Variants in GNAI1 observed in about 807,000 individuals in gnomAD.
GNAI1 encodes the protein G protein subunit alpha i1.
In GNAI1, 11 loss-of-function variants were observed where a neutral mutation model predicts 38.9. The observed-to-expected ratio is 0.28, with a 90% CI of 0.18 to 0.47. The LOEUF (loss-of-function observed/expected upper bound fraction) is 0.47, where lower values mean the gene tolerates loss of function less well. Among genes scored for constraint, GNAI1 ranks in the 20% least tolerant of loss-of-function variants. GNAI1 has a pLI of 0.99. For synonymous variants in GNAI1, 166 were observed against 145.1 expected (o/e 1.14, Z -1.04); for missense variants, 317 against 436.9 (o/e 0.73, Z 2.45).
At chr7:80,166,920 T>C (rs1232081503) in intron 1 of GNAI1, among the ~76,000 whole-genome samples, 1 of 152,214 alleles carries the variant, frequency 6.6e-6, no homozygotes, top group Non-Finnish European at 1.5e-5. Flanking sequence ...AAAGCACTTT[T>C]GTCATTTGAG....
intron 3 of GNAI1, among the ~76,000 whole-genome samples, chr7:80,191,529 C>T (rs1488599527): frequency 6.6e-6 from 1 of 151,988 alleles, no homozygotes; most frequent in Non-Finnish European, 1.5e-5. Context: ...GTAGCTGGAA[C>T]CACGGATGTA....
intron 1 of GNAI1, among the ~76,000 whole-genome samples, chr7:80,150,996 T>G (rs1166556197): frequency 2.0e-5 from 3 of 152,206 alleles, no homozygotes; most frequent in Admixed American, 6.5e-5. Context: ...CCAGAAGTCG[T>G]CAGTAGCTCT....
In GNAI1 at chr7:80,134,856, GCGGCGCGGCCAC is replaced by G. The variant is rs1363972448; in HGVS notation, c.-299_-288del. 1 of 205,952 alleles carries G rather than the reference GCGGCGCGGCCAC, an allele frequency of 4.9e-6. No homozygotes were observed. Among genetic ancestry groups the G allele is most frequent in the Non-Finnish European group, 9.6e-6 (1 of 103,788 alleles). 12.8% of individuals were successfully genotyped at this position (205,952 alleles called of 1,614,324 possible). ...GAGCTCGGCTGGGCTTGGCGAGGCT[GCGGCGCGGCCAC>G]CGGCGGGAGTGCAGCGGCCACTGTA... On this transcript the variant is annotated 5_prime_UTR_variant, in exon 1 of 8. Transcript: ENST00000649796.
chr7:80,143,522 T>A (rs1787563928), intron 1 of GNAI1, among the ~76,000 whole-genome samples: 1 of 152,188 alleles, frequency 6.6e-6, no homozygotes, highest in Non-Finnish European at 1.5e-5. Flanking sequence ...TCTAACATTT[T>A]CCATGTCTAA....
At chr7:80,206,153 A>C (rs1788772238) in intron 5 of GNAI1, among the ~76,000 whole-genome samples, 1 of 152,042 alleles carries the variant, frequency 6.6e-6, no homozygotes, top group Non-Finnish European at 1.5e-5. Flanking sequence ...TCACTGATTT[A>C]CAGGTGGTTC....
Position 80,221,750 on chromosome 7 carries a change from G to C in GNAI1, c.*4257G>C, listed in dbSNP as rs1191571099. The stretch of plus-strand genomic sequence containing the variant: ...CTCCAACTCCATGGTTCAAGCAATT[G>C]TCCTGCCTCAGCCTCCCGAGTAGCT... On this transcript the variant is annotated 3_prime_UTR_variant, in exon 8 of 8. Transcript: ENST00000649796. Among the ~76,000 whole-genome samples, 1 of 134,198 alleles carries C rather than the reference G, an allele frequency of 7.5e-6. No individual in the cohort carries two copies. The highest frequency in any genetic ancestry group is 1.5e-5 in the Non-Finnish European group (1 of 65,146). The allele number at this position is 134,198 out of a possible 152,430, so 88.0% of individuals were successfully genotyped here.
chr7:80,212,051 A>G (rs1227877380), intron 6 of GNAI1, among the ~76,000 whole-genome samples: 2 of 152,118 alleles, frequency 1.3e-5, no homozygotes, highest in African/African-American at 2.4e-5. Context: ...GTGTATGCAC[A>G]TTTTGGTACC....
Position 80,177,123 on chromosome 7 carries a change from C to T in GNAI1, c.119-11828C>T, listed in dbSNP as rs575271902. On this transcript the variant is annotated intron_variant, in intron 1 of 7. Transcript: ENST00000649796. ...TTGGCTCACTGCAAGCTCCGCCTCC[C>T]GGGTTCATGCCATTCTCCTGCCTCT... 3.1e-3 allele frequency among the ~76,000 whole-genome samples: 457 copies of T among 146,390 alleles called. 5 individuals carry two copies. The highest frequency in any genetic ancestry group is 0.011 in the African/African-American group (438 of 39,700).
At chr7:80,155,451 C>G (rs558625175) in intron 1 of GNAI1, among the ~76,000 whole-genome samples, 3 of 152,252 alleles carry the variant, frequency 2.0e-5, no homozygotes, top group Admixed American at 6.5e-5. Context: ...ATAGAGTTTT[C>G]AGTGATTTCC....
In GNAI1 at chr7:80,223,326, A is replaced by G. The variant is rs992604017; in HGVS notation, c.*5833A>G. ...GGATTTTTTGTTTTTGCTAAATTAG[A>G]CATACAATTTTGCAGTTATTTTTTA... is the stretch of plus-strand genomic sequence containing the variant. On this transcript the variant is annotated 3_prime_UTR_variant, in exon 8 of 8. Coordinates refer to ENST00000649796, the MANE Select transcript of GNAI1 (RefSeq NM_002069.6). 1.3e-5 allele frequency among the ~76,000 whole-genome samples: 2 copies of G among 152,236 alleles called. No individual in the cohort carries two copies. Among genetic ancestry groups the G allele is most frequent in the African/African-American group, 2.4e-5 (1 of 41,468 alleles).
At chr7:80,177,198 C>G (rs1454492379) in intron 1 of GNAI1, among the ~76,000 whole-genome samples, 2 of 151,370 alleles carry the variant, frequency 1.3e-5, no homozygotes. Flanking sequence ...GCCCTGTTAA[C>G]TTTTTGTATT....
chr7:80,215,392 T>C (rs1485281504), intron 7 of GNAI1, among the ~76,000 whole-genome samples: 1 of 152,236 alleles, frequency 6.6e-6, no homozygotes, highest in Admixed American at 6.5e-5. Flanking sequence ...TGCTGTTGAT[T>C]GCTTTAAAAT....
intron 1 of GNAI1, among the ~76,000 whole-genome samples, chr7:80,154,383 A>T (rs1787781136): frequency 1.3e-5 from 2 of 152,220 alleles, no homozygotes; most frequent in African/African-American, 4.8e-5. Flanking sequence ...TACTTGGTGT[A>T]GTTATGAAAA....
chr7:80,171,664 G>A (rs1464783735), intron 1 of GNAI1, among the ~76,000 whole-genome samples: 1 of 152,112 alleles, frequency 6.6e-6, no homozygotes, highest in African/African-American at 2.4e-5. Context: ...ATAGATTCTG[G>A]CATCAGATTA....
At chr7:80,142,371 C>T (rs1408902171) in intron 1 of GNAI1, among the ~76,000 whole-genome samples, 1 of 152,224 alleles carries the variant, frequency 6.6e-6, no homozygotes, top group Non-Finnish European at 1.5e-5. Flanking sequence ...CATGGTGTTA[C>T]TCAAGTCGTA....
intron 7 of GNAI1, among the ~76,000 whole-genome samples, chr7:80,214,764 C>A (rs949065974): frequency 6.6e-6 from 1 of 152,168 alleles, no homozygotes; most frequent in South Asian, 2.1e-4. Context: ...CTGTCTGCTC[C>A]TGTGTTACCC....
intron 5 of GNAI1, among the ~76,000 whole-genome samples, chr7:80,204,403 G>C (rs1294368976): frequency 6.6e-6 from 1 of 152,082 alleles, no homozygotes; most frequent in Non-Finnish European, 1.5e-5. Context: ...CTTTAGAAAT[G>C]CAAGGGGTCT....
chr7:80,143,244 A>G (rs1371937778), intron 1 of GNAI1, among the ~76,000 whole-genome samples: 1 of 152,236 alleles, frequency 6.6e-6, no homozygotes. Flanking sequence ...ATATATACAT[A>G]AAGATAAGTC....
At chr7:80,162,085 A>G (rs974384803) in intron 1 of GNAI1, among the ~76,000 whole-genome samples, 1 of 152,086 alleles carries the variant, frequency 6.6e-6, no homozygotes, top group East Asian at 1.9e-4. Context: ...GGTTGGAATG[A>G]GGTCATGGAA....
Sources: allele counts gnomAD v4.1 joint callset (sites outside exome capture counted in the v4.1 genomes callset), GRCh38; gene constraint gnomAD v4.1.1; transcripts MANE v1.5; gene names NCBI Gene and HGNC (gene_info 2026-07-23, HGNC 2026-07-21).